Variants in ERBB3 observed in about 807,000 individuals in gnomAD.
The protein encoded by ERBB3 is receptor tyrosine-protein kinase erbB-3.
A neutral mutation model predicts 156.7 loss-of-function variants in ERBB3; 96 were observed. The ratio of observed to expected loss-of-function variants is 0.61; its 90% CI spans 0.52 to 0.73. The LOEUF (loss-of-function observed/expected upper bound fraction) is 0.73. Ranked by LOEUF, ERBB3 falls within the 30% of genes least tolerant of loss-of-function variation. The pLI is 0.00. For missense variants in ERBB3, 1,406 were observed against 1,709.4 expected, an observed-to-expected ratio of 0.82 and a Z score of 3.13; for synonymous variants, 567 against 632.0, an observed-to-expected ratio of 0.90 and a Z score of 1.54.
At chr12:56,080,472 C>G in intron 1 of ERBB3, 90 bp downstream of exon 1, 2 of 1,091,554 alleles carry the variant, frequency 1.8e-6, no homozygotes, top group South Asian at 1.4e-5. Context: ...CGGTCTCAGG[C>G]GGCGCGGGGT....
intron 15 of ERBB3, 46 bp downstream of exon 15, chr12:56,094,602 G>A: frequency 6.2e-7 from 1 of 1,603,044 alleles, no homozygotes; most frequent in Non-Finnish European, 8.5e-7. Flanking sequence ...GGAAGGGTAG[G>A]AGCACAGAAC....
At chr12:56,098,189 G>A in intron 21 of ERBB3, 1 of 561,404 alleles carries the variant, frequency 1.8e-6, no homozygotes. Flanking sequence ...TGGATCACAA[G>A]GTCAGGAGAT....
Position 56,094,572 on chromosome 12 carries a change from A to C in ERBB3, c.1859+16A>C, listed in dbSNP as rs1182146065. 1.9e-6 allele frequency: 3 copies of C among 1,613,212 alleles called. No individual in the cohort carries two copies. Among genetic ancestry groups the C allele is most frequent in the Non-Finnish European group, 2.5e-6 (3 of 1,179,910 alleles). On this transcript the variant is annotated intron_variant, in intron 15 of 27. Transcript: ENST00000267101. The stretch of plus-strand genomic sequence containing the variant: ...GCACCCAGGGGTCAGTGATGGGATA[A>C]TAAGGAGAGGGGGTCAGGTGGAAGG...
chr12:56,098,935 CTCTTTTTT>C (rs767246337), intron 23 of ERBB3, 30 bp downstream of exon 23: 7 of 1,556,860 alleles, frequency 4.5e-6, no homozygotes, highest in South Asian at 2.3e-5. Flanking sequence ...CAACCATTTT[CTCTTTTTT>C]TCTTTTTTTT....
chr12:56,082,621 G>A (rs1295246290), intron 1 of ERBB3, among the ~76,000 whole-genome samples: 1 of 152,122 alleles, frequency 6.6e-6, no homozygotes, highest in African/African-American at 2.4e-5. Context: ...GGCTGGAACA[G>A]GTGGTATCTA....
intron 2 of ERBB3, 85 bp downstream of exon 2, chr12:56,083,987 C>A (rs2136786158): frequency 7.5e-7 from 1 of 1,341,480 alleles, no homozygotes; most frequent in Non-Finnish European, 1.1e-6. Flanking sequence ...CTACCTTCTG[C>A]TGGAGTTCAC....
In ERBB3 at chr12:56,098,767, G is replaced by A. The variant is rs765301443; in HGVS notation, c.2701G>A (p.Val901Ile). ...ATGTCTTCCTGCAACAGGTGTGACAGTTTGGGAGTTGATGACCTTCGGGGC... is the reference window on the plus strand; with the variant it reads ...ATGTCTTCCTGCAACAGGTGTGACAATTTGGGAGTTGATGACCTTCGGGGC... Reference protein sequence around the residue: ...QSDVWSYGVTVWELMTFGAEP... With the variant: ...QSDVWSYGVTIWELMTFGAEP... The change falls in exon 23 of 28, where the codon GTT becomes ATT. Residue 901 changes from valine (V) to isoleucine (I), a missense_variant. Val to Ile is a conservative substitution (Grantham distance 29). Transcript: ENST00000267101. 3.1e-6 allele frequency: 5 copies of A among 1,614,158 alleles called. No individual in the cohort carries two copies. The highest frequency in any genetic ancestry group is 1.6e-4 in the Middle Eastern group (1 of 6,062).
intron 15 of ERBB3, among the ~76,000 whole-genome samples, chr12:56,094,942 ACT>A (rs1403788496): frequency 7.2e-6 from 1 of 139,234 alleles, no homozygotes; most frequent in African/African-American, 2.6e-5. Context: ...CAAGAGTGAA[ACT>A]CTGTCTCAAA....
rs772081729 is a variant in ERBB3 at position 56,087,870 on chromosome 12, A to T, written c.689A>T (p.Glu230Val). ...AACCCCAACCAGTGCTGCCATGATG[A>T]GTGTGCCGGGGGCTGCTCAGGCCCT... Reference protein sequence around the residue: ...GPNPNQCCHDECAGGCSGPQD... With the variant: ...GPNPNQCCHDVCAGGCSGPQD... The change falls in exon 6 of 28, where the codon GAG (glutamate) becomes GTG (valine). Residue 230 changes from glutamate to valine, a missense_variant. Glu to Val is a moderately radical substitution (Grantham distance 121). This residue lies in a region of ERBB3 where 979 missense variants were observed against 1,219.6 expected (regional missense o/e 0.80). Transcript: ENST00000267101. 6.2e-7 allele frequency: 1 copy of T among 1,614,126 alleles called. No individual in the cohort carries two copies. The highest frequency in any genetic ancestry group is 8.5e-7 in the Non-Finnish European group (1 of 1,180,000).
rs1304569891 is a variant in ERBB3, at chr12:56,092,749, A to G, written c.1112A>G (p.Asp371Gly). 2 of 1,613,134 alleles carry G rather than the reference A, an allele frequency of 1.2e-6. No individual in the cohort carries two copies. The highest frequency in any genetic ancestry group is 1.7e-6 in the Non-Finnish European group (2 of 1,179,286). The stretch of plus-strand genomic sequence containing the variant: ...CTGGTTTCTACTGTTCTATTCAGAG[A>G]CCCCTGGCACAAGATCCCTGCCCTG... ...LDFLITGLNG[D>G]PWHKIPALDP... Residue 371 changes from aspartate (D) to glycine (G), a missense_variant and splice_region_variant, in exon 10 of 28, where the codon GAC becomes GGC. This residue lies in a region of ERBB3 where 979 missense variants were observed against 1,219.6 expected (regional missense o/e 0.80). Transcript: ENST00000267101.
In ERBB3 at chr12:56,099,924, A is replaced by AATAGAC. The variant is rs1565861388; in HGVS notation, c.3024_3025insATAGAC (p.Glu1008_Leu1009insIleAsp). ...TAGAGGAAGTAGAGCTGGAGCCAGA[A>AATAGAC]CTAGACCTAGACCTAGACTTGGAAG... On this transcript the variant is annotated inframe_insertion, in exon 25 of 28. Transcript: ENST00000267101. 6.2e-7 allele frequency: 1 copy of AATAGAC among 1,614,260 alleles called. No homozygotes were observed.
chr12:56,093,604 C>A, intron 12 of ERBB3, 54 bp downstream of exon 12: 1 of 1,574,138 alleles, frequency 6.4e-7, no homozygotes, highest in Non-Finnish European at 8.7e-7. Context: ...GAGGAGAGGG[C>A]TGAAAGGACT....
chr12:56,100,102 T>C, intron 25 of ERBB3, 72 bp from the exon 26 acceptor site: 1 of 1,587,056 alleles, frequency 6.3e-7, no homozygotes. Context: ...CCAGATTAAC[T>C]ACTCAAAGGC....
At chr12:56,097,639 A>G in intron 20 of ERBB3, 146 bp from the exon 21 acceptor site, 2 of 838,614 alleles carry the variant, frequency 2.4e-6, no homozygotes, top group Non-Finnish European at 4.0e-6. Flanking sequence ...TTCCCCTGGA[A>G]AAACTGTCTT....
At position 56,098,904 on chromosome 12, in the gene ERBB3, G is replaced by T; in HGVS notation, c.2838G>T (p.Lys946Asn). ...TTGATGTCTACATGGTGATGGTCAA[G>T]TGTGAGTTACCTGCTGAGCCCAACC... ...CTIDVYMVMV[K>N]CWMIDENIRP... The change falls in exon 23 of 28, where the codon AAG becomes AAT. Residue 946 changes from lysine to asparagine, a missense_variant and splice_region_variant. Physicochemically the swap from Lys to Asn is moderately conservative, Grantham distance 94. Coordinates refer to ENST00000267101, the MANE Select transcript of ERBB3 (RefSeq NM_001982.4). 6.2e-7 allele frequency: 1 copy of T among 1,612,728 alleles called. No individual in the cohort carries two copies. The highest frequency in any genetic ancestry group is 1.7e-4 in the Middle Eastern group (1 of 6,058).
Position 56,102,806 on chromosome 12 carries a change from TAAAAAAAAAA to T in ERBB3, c.*770_*779del, listed in dbSNP as rs4016497. On this transcript the variant is annotated 3_prime_UTR_variant, in exon 28 of 28. Coordinates refer to ENST00000267101, the MANE Select transcript of ERBB3 (RefSeq NM_001982.4). ...CAACATAGTAAGACCCCCATCTCTT[TAAAAAAAAAA>T]AAAAAAAAAAAAAAAAAACTTTAGA... The T allele has an allele frequency of 0.021, 1,180 of 56,160 alleles. 20 individuals are homozygous for T. The highest frequency in any genetic ancestry group is 0.042 in the South Asian group (30 of 716). 3.5% of individuals were successfully genotyped at this position (56,160 alleles called of 1,614,324 possible). A position where few individuals can be genotyped will look rare whatever the true frequency, so the allele number is the denominator to read the frequency against.
chr12:56,092,378 A>G (rs1868741787), intron 9 of ERBB3, among the ~76,000 whole-genome samples: 1 of 130,952 alleles, frequency 7.6e-6, no homozygotes, highest in African/African-American at 3.1e-5. Context: ...CGATAGAGCA[A>G]GACTCTGTCT....
chr12:56,080,190 G>A lies in ERBB3; in HGVS notation c.-111G>A. On this transcript the variant is annotated 5_prime_UTR_variant, in exon 1 of 28. Transcript: ENST00000267101. ...GCAATTTGCAACCTCCGCTGCCGTC[G>A]CCGCAGCAGCCACCAATTCGCCAGC... 2.3e-6 allele frequency: 2 copies of A among 859,420 alleles called. No homozygotes were observed. Among genetic ancestry groups the A allele is most frequent in the Non-Finnish European group, 3.8e-6 (2 of 528,052 alleles). 53.2% of individuals were successfully genotyped at this position (859,420 alleles called of 1,614,324 possible). A position where few individuals can be genotyped will look rare whatever the true frequency, so the allele number is the denominator to read the frequency against.
At chr12:56,091,155 A>T (rs1868668208) in intron 9 of ERBB3, among the ~76,000 whole-genome samples, 1 of 147,198 alleles carries the variant, frequency 6.8e-6, no homozygotes, top group African/African-American at 2.5e-5. Flanking sequence ...AGGCTGGAAT[A>T]CAGTGGCATG....
Sources: gnomAD v4.1 joint callset for allele counts (sites outside exome capture counted in the v4.1 genomes callset) on GRCh38, gnomAD v4.1.1 for gene constraint, gnomAD v4.1.1 regional missense constraint, MANE v1.5 for transcripts, NCBI Gene and HGNC (gene_info 2026-07-23, HGNC 2026-07-21) for gene names.